Variants in ZNF654 observed in about 807,000 individuals in gnomAD.
ZNF654 encodes zinc finger protein 654.
ZNF654 carries 19 observed loss-of-function variants against 95.3 expected under a neutral mutation model. The ratio of observed to expected loss-of-function variants is 0.20; its 90% confidence interval spans 0.14 to 0.29. The LOEUF is 0.29. Ranked by LOEUF, ZNF654 falls within the 10% of genes least tolerant of loss-of-function variation. The pLI is 1.00. For synonymous variants in ZNF654, 413 were observed against 457.9 expected (o/e 0.90, Z 1.25); for missense variants, 1,046 against 1,341.0 (o/e 0.78, Z 3.44).
At chr3:88,116,372 TAGC>T (rs1705392694) in intron 3 of ZNF654, among the ~76,000 whole-genome samples, 1 of 151,606 alleles carries the variant, frequency 6.6e-6, no homozygotes, top group Non-Finnish European at 1.5e-5. Flanking sequence ...AATACAAAAT[TAGC>T]AGGTCGTGGC....
intron 3 of ZNF654, among the ~76,000 whole-genome samples, chr3:88,115,046 T>C (rs1201817708): frequency 6.6e-6 from 1 of 152,226 alleles, no homozygotes; most frequent in Non-Finnish European, 1.5e-5. Flanking sequence ...CAGCATAAGA[T>C]GGTGTTCTTT....
intron 1 of ZNF654, among the ~76,000 whole-genome samples, chr3:88,083,142 T>C (rs1559697918): frequency 6.6e-6 from 1 of 152,070 alleles, no homozygotes; most frequent in Non-Finnish European, 1.5e-5. Context: ...CATTTAAACT[T>C]AATTACTTCC....
intron 7 of ZNF654, 34 bp downstream of exon 7, chr3:88,135,236 A>T: frequency 7.3e-7 from 1 of 1,369,704 alleles, no homozygotes; most frequent in East Asian, 2.9e-5. Context: ...TAAATTTAAA[A>T]TTGAGTGACA....
chr3:88,076,079 G>C (rs921520444), intron 1 of ZNF654, among the ~76,000 whole-genome samples: 1 of 152,176 alleles, frequency 6.6e-6, no homozygotes, highest in Non-Finnish European at 1.5e-5. Flanking sequence ...CATCTGAAAT[G>C]CACCTGAAAT....
chr3:88,072,392 C>A (rs1707564197), intron 1 of ZNF654, among the ~76,000 whole-genome samples: 1 of 152,128 alleles, frequency 6.6e-6, no homozygotes, highest in South Asian at 2.1e-4. Flanking sequence ...AGAGTCAAAG[C>A]CAAAATCCTT....
chr3:88,139,400 T>C lies in ZNF654; in HGVS notation c.1731T>C (p.Cys577=), dbSNP rs754963268. 16 of 1,613,804 alleles carry C rather than the reference T, an allele frequency of 9.9e-6. No homozygotes were observed. In the East Asian group the frequency reaches 1.8e-4, roughly 18 times the overall value. ...AAGGCAGTTTTGCATGTGTAATATG[T>C]GGTAGGAAATTTAGAAACAGAGGAC... The part of the protein sequence containing the change: ...QKKGSFACVI[C]GRKFRNRGLM... The change falls in exon 8 of 9, where the codon TGT becomes TGC. Residue 577 remains cysteine, a synonymous_variant. Coordinates refer to ENST00000636215, the MANE Select transcript of ZNF654 (RefSeq NM_001350134.2).
chr3:88,125,453 T>C (rs1706042226), intron 3 of ZNF654, among the ~76,000 whole-genome samples: 1 of 152,176 alleles, frequency 6.6e-6, no homozygotes, highest in African/African-American at 2.4e-5. Context: ...ACCTAGAAAA[T>C]GTATGGACAA....
chr3:88,105,228 C>G (rs1340205380), intron 2 of ZNF654, among the ~76,000 whole-genome samples: 1 of 152,156 alleles, frequency 6.6e-6, no homozygotes, highest in Non-Finnish European at 1.5e-5. Context: ...GTCCAACTAA[C>G]AAATAACATA....
chr3:88,061,472 A>G (rs929748766), intron 1 of ZNF654, among the ~76,000 whole-genome samples: 2 of 152,152 alleles, frequency 1.3e-5, no homozygotes, highest in Non-Finnish European at 1.5e-5. Context: ...TCATGTTACC[A>G]ACTTTTACCT....
At chr3:88,078,449 G>C (rs58927407) in intron 1 of ZNF654, among the ~76,000 whole-genome samples, 3 of 152,192 alleles carry the variant, frequency 2.0e-5, no homozygotes, top group Non-Finnish European at 2.9e-5. Flanking sequence ...ACTGGGGTAG[G>C]GGGTGGGACA....
chr3:88,113,275 G>C (rs1705201588), intron 3 of ZNF654, 79 bp downstream of exon 3: 1 of 826,718 alleles, frequency 1.2e-6, no homozygotes, highest in Non-Finnish European at 1.8e-6. Flanking sequence ...TAGCTTATTG[G>C]TTATTATTGC....
chr3:88,139,843 A>G lies in ZNF654; in HGVS notation c.2174A>G (p.His725Arg), dbSNP rs1707010807. The change falls in exon 8 of 9, where the codon CAT becomes CGT. Residue 725 changes from histidine to arginine, a missense_variant. Physicochemically the swap from His to Arg is conservative, Grantham distance 29 (BLOSUM62 0). Around this residue, in one of 9 missense-constraint regions of ZNF654, gnomAD observed 495 missense variants for 537.0 expected, o/e 0.92. Transcript: ENST00000636215. ...CTGAATCAAGAAACTTCAGTAATTC[A>G]TAAAATCAATGGAACTGTGTGCCAT... The part of the protein sequence containing the change: ...YDLNQETSVI[H>R]KINGTVCHPK... 6.3e-7 allele frequency: 1 copy of G among 1,584,328 alleles called. No homozygotes were observed. Among genetic ancestry groups the G allele is most frequent in the African/African-American group, 1.3e-5 (1 of 74,308 alleles).
intron 2 of ZNF654, among the ~76,000 whole-genome samples, chr3:88,087,907 C>G (rs1482014569): frequency 6.6e-6 from 1 of 152,100 alleles, no homozygotes; most frequent in African/African-American, 2.4e-5. Context: ...CTCCAAAATT[C>G]GAAACTCTTT....
intron 1 of ZNF654, among the ~76,000 whole-genome samples, chr3:88,063,777 A>G (rs940092971): frequency 9.2e-5 from 14 of 152,288 alleles, no homozygotes; most frequent in African/African-American, 3.1e-4. Flanking sequence ...TAGTGTAGGG[A>G]TGGTACAGTG....
At chr3:88,131,803 C>T (rs1201816243) in intron 6 of ZNF654, among the ~76,000 whole-genome samples, 1 of 151,970 alleles carries the variant, frequency 6.6e-6, no homozygotes, top group African/African-American at 2.4e-5. Context: ...CCTTTTCTTC[C>T]TATTAAAAGT....
intron 2 of ZNF654, among the ~76,000 whole-genome samples, chr3:88,110,026 G>C (rs1211636451): frequency 1.3e-5 from 2 of 152,098 alleles, no homozygotes; most frequent in Admixed American, 1.3e-4. Context: ...AACCTCTGAA[G>C]ATCTTGTGTT....
intron 7 of ZNF654, among the ~76,000 whole-genome samples, chr3:88,136,483 G>T (rs1418955710): frequency 1.3e-5 from 2 of 152,168 alleles, no homozygotes; most frequent in African/African-American, 4.8e-5. Context: ...AGGAGACATA[G>T]ATGGCATATC....
intron 2 of ZNF654, among the ~76,000 whole-genome samples, chr3:88,096,760 G>T (rs1237690091): frequency 6.6e-6 from 1 of 151,960 alleles, no homozygotes; most frequent in African/African-American, 2.4e-5. Flanking sequence ...AATTCGAAAA[G>T]TGTGGCGTAT....
At chr3:88,127,803 G>A (rs549323531) in intron 4 of ZNF654, among the ~76,000 whole-genome samples, 30 of 152,254 alleles carry the variant, frequency 2.0e-4, no homozygotes, top group South Asian at 8.3e-4. Context: ...TTTGGGAAAA[G>A]CTGCTCTAGA....
Sources: gnomAD v4.1 joint callset for allele counts (sites outside exome capture counted in the v4.1 genomes callset) on GRCh38, gnomAD v4.1.1 for gene constraint, gnomAD v4.1.1 regional missense constraint, MANE v1.5 for transcripts, NCBI Gene and HGNC (gene_info 2026-07-23, HGNC 2026-07-21) for gene names.